NPR2: variants seen among roughly 807,000 people sequenced by gnomAD.
The protein encoded by NPR2 is natriuretic peptide receptor 2.
Under a neutral mutation model 120.7 loss-of-function variants are expected in NPR2, and 49 were observed. The observed-to-expected ratio is 0.41, with a 90% CI of 0.32 to 0.52. The LOEUF is 0.52. Ranked by LOEUF, NPR2 falls within the 20% of genes least tolerant of loss-of-function variation. The pLI is 0.36. For missense variants in NPR2, 931 were observed against 1,362.9 expected (o/e 0.68, Z 4.99); for synonymous variants, 484 against 519.8 (o/e 0.93, Z 0.94).
chr9:35,792,151 C>A lies in NPR2; in HGVS notation c.-258C>A. 1 of 479,414 alleles carries A rather than the reference C, an allele frequency of 2.1e-6. No homozygotes were observed. The highest frequency in any genetic ancestry group is 3.8e-6 in the Non-Finnish European group (1 of 262,570). 29.7% of individuals were successfully genotyped at this position (479,414 alleles called of 1,614,324 possible). On this transcript the variant is annotated 5_prime_UTR_variant, in exon 1 of 22. Transcript: ENST00000342694. ...CTGGCCGCAGGCCCCCTCGGTCCCT[C>A]CCTCCCCCTGCCACCCCGTTCTCAG...
In NPR2 at chr9:35,802,235, T is replaced by C; in HGVS notation, c.1662T>C (p.Asn554=). 1 of 1,609,590 alleles carries C rather than the reference T, an allele frequency of 6.2e-7. No homozygotes were observed. The highest frequency in any genetic ancestry group is 8.5e-7 in the Non-Finnish European group (1 of 1,176,074). Residue 554 remains asparagine (N), a synonymous_variant, in exon 10 of 22, where the codon AAT becomes AAC. Transcript: ENST00000342694. The surrounding 1 kb of genome is among the most constrained non-coding windows in gnomAD (Gnocchi z 4.2). ...ATGTTGTCGCCATCAAACATGTGAA[T>C]AAGAAGCGCATTGAGCTGACCCGGC... ...KGNVVAIKHV[N]KKRIELTRQV... is the part of the protein sequence containing the mutation.
chr9:35,797,432 G>T (rs1588055199), intron 2 of NPR2, among the ~76,000 whole-genome samples: 1 of 152,186 alleles, frequency 6.6e-6, no homozygotes, highest in Non-Finnish European at 1.5e-5. Flanking sequence ...CCAGCGGCAA[G>T]AATGGAAGAA....
rs149119156 is a variant in NPR2 at position 35,808,937 on chromosome 9, T to C, written c.2986+84T>C. On this transcript the variant is annotated intron_variant, in intron 20 of 21. Transcript: ENST00000342694. This position sits in a 1 kb window ranked among gnomAD's most constrained non-coding sequence, Gnocchi z 4.0. ...TTTCATAATCCCTCCAATTTCTTAA[T>C]CTGAGAGACCACAGTTCCTTAGTGT... 3.9e-4 allele frequency: 397 copies of C among 1,011,594 alleles called. No individual in the cohort carries two copies. Among genetic ancestry groups the C allele is most frequent in the Non-Finnish European group, 5.4e-4 (339 of 632,816 alleles). The allele number at this position is 1,011,594 out of a possible 1,614,324, so 62.7% of individuals were successfully genotyped here. A position where few individuals can be genotyped will look rare whatever the true frequency, so the allele number is the denominator to read the frequency against.
intron 2 of NPR2, among the ~76,000 whole-genome samples, chr9:35,796,561 T>G (rs1271010251): frequency 6.6e-6 from 1 of 152,166 alleles, no homozygotes; most frequent in Non-Finnish European, 1.5e-5. Context: ...TCCCCAGCAT[T>G]AAGGGTAGCT....
rs761280390 is a variant in NPR2 at position 35,809,667 on chromosome 9, A to G, written c.*222A>G. Reference sequence around the variant, plus strand: ...CCCTTCCTCCCTACTTTCTGTAAATATCTGTATCTAAACCAGAATATTTTG... The same window carrying G: ...CCCTTCCTCCCTACTTTCTGTAAATGTCTGTATCTAAACCAGAATATTTTG... On this transcript the variant is annotated 3_prime_UTR_variant, in exon 22 of 22. Transcript: ENST00000342694. The surrounding 1 kb of genome is among the most constrained non-coding windows in gnomAD (Gnocchi z 4.1). The G allele has an allele frequency of 1.3e-5, 15 of 1,120,676 alleles. No individual in the cohort carries two copies. The highest frequency in any genetic ancestry group is 2.0e-5 in the Non-Finnish European group (15 of 743,634). 69.4% of individuals were successfully genotyped at this position (1,120,676 alleles called of 1,614,324 possible).
rs779382712 is a variant in NPR2 at position 35,808,852 on chromosome 9, A to C, written c.2985A>C (p.Gln995His). The change falls in exon 20 of 22, where the codon CAA becomes CAC. Residue 995 changes from glutamine (Q) to histidine (H), a missense_variant and splice_region_variant. Coordinates refer to ENST00000342694, the MANE Select transcript of NPR2 (RefSeq NM_003995.4). This position sits in a 1 kb window ranked among gnomAD's most constrained non-coding sequence, Gnocchi z 4.0. ...CTTCTCGAATGGAGTCTAATGGTCAAGGTAAGACATTAGCCCTCAACCCCA... is the reference window on the plus strand; with the variant it reads ...CTTCTCGAATGGAGTCTAATGGTCACGGTAAGACATTAGCCCTCAACCCCA... ...NTASRMESNG[Q>H]ALKIHVSSTT... The C allele has an allele frequency of 7.0e-6, 11 of 1,576,348 alleles. No individual in the cohort carries two copies. The East Asian group carries it at 2.2e-4, about 32-fold the overall frequency.
At chr9:35,794,908 T>G (rs976050212) in intron 2 of NPR2, among the ~76,000 whole-genome samples, 8 of 151,836 alleles carry the variant, frequency 5.3e-5, no homozygotes, top group African/African-American at 1.9e-4. Flanking sequence ...GGGGGAGACC[T>G]GGGGCAGTGA....
At position 35,801,193 on chromosome 9, in the gene NPR2, C is replaced by T. The variant is rs760772862; in HGVS notation, c.1436+39C>T. Reference sequence around the variant, plus strand: ...TTCTTGCTGACCTACTCCCTGCCCCCATTGCCACACAACCTCTGGCTGAAG... The same window carrying T: ...TTCTTGCTGACCTACTCCCTGCCCCTATTGCCACACAACCTCTGGCTGAAG... On this transcript the variant is annotated intron_variant, in intron 7 of 21. Coordinates refer to ENST00000342694, the MANE Select transcript of NPR2 (RefSeq NM_003995.4). 17 of 1,446,502 alleles carry T rather than the reference C, an allele frequency of 1.2e-5. No homozygotes were observed. In the Admixed American group the frequency reaches 1.8e-4, roughly 16 times the overall value. The allele number at this position is 1,446,502 out of a possible 1,614,324, so 89.6% of individuals were successfully genotyped here.
rs1750543385 is a variant in NPR2 at position 35,800,364 on chromosome 9, G to T, written c.1124-25G>T. The T allele has an allele frequency of 6.2e-7, 1 of 1,603,780 alleles. No homozygotes were observed. The highest frequency in any genetic ancestry group is 8.5e-7 in the Non-Finnish European group (1 of 1,170,790). ...AGAGGAGCCCAGGGTAGACCTCAAA[G>T]AAAGGACACTCTTTTCTGTCTTAGG... is the stretch of plus-strand genomic sequence containing the variant. On this transcript the variant is annotated intron_variant, in intron 4 of 21. Coordinates refer to ENST00000342694, the MANE Select transcript of NPR2 (RefSeq NM_003995.4). The surrounding 1 kb of genome is among the most constrained non-coding windows in gnomAD (Gnocchi z 4.7).
Position 35,793,088 on chromosome 9 carries a change from T to A in NPR2, c.667+13T>A, listed in dbSNP as rs866347122. ...GCCAACGGGCGCAGTGAGTGTGGCC[T>A]GGGCTATTTTAGGGTCATGGGAGGA... is the stretch of plus-strand genomic sequence containing the variant. On this transcript the variant is annotated intron_variant, in intron 1 of 21. Coordinates refer to ENST00000342694, the MANE Select transcript of NPR2 (RefSeq NM_003995.4). 1 of 1,580,308 alleles carries A rather than the reference T, an allele frequency of 6.3e-7. No individual in the cohort carries two copies. Among genetic ancestry groups the A allele is most frequent in the Non-Finnish European group, 8.6e-7 (1 of 1,167,494 alleles).
Position 35,807,013 on chromosome 9 carries a change from T to G in NPR2, c.2520-10T>G. The G allele has an allele frequency of 6.2e-7, 1 of 1,614,112 alleles. No individual in the cohort carries two copies. Among genetic ancestry groups the G allele is most frequent in the East Asian group, 2.2e-5 (1 of 44,880 alleles). On this transcript the variant is annotated splice_polypyrimidine_tract_variant and intron_variant, in intron 16 of 21. Coordinates refer to ENST00000342694, the MANE Select transcript of NPR2 (RefSeq NM_003995.4). ...TGGAGTTTGGCTCATACGGCACCCT[T>G]GCTTCCTAGTTCAGTGGCAGAGCAG...
Position 35,806,614 on chromosome 9 carries a change from G to T in NPR2, c.2519+76G>T. The T allele has an allele frequency of 1.3e-6, 2 of 1,539,184 alleles. No individual in the cohort carries two copies. The highest frequency in any genetic ancestry group is 2.2e-5 in the South Asian group (2 of 89,034). ...GGGCTCTGCCTCATCAGGCACCTGA[G>T]AACTCGCCTCCCCACCCTCAGAACC... On this transcript the variant is annotated intron_variant, in intron 16 of 21. Transcript: ENST00000342694. The surrounding 1 kb of genome is among the most constrained non-coding windows in gnomAD (Gnocchi z 4.6).
chr9:35,794,860 A>T (rs946750597), intron 2 of NPR2, among the ~76,000 whole-genome samples: 1 of 151,042 alleles, frequency 6.6e-6, no homozygotes, highest in African/African-American at 2.5e-5. Context: ...GTGTGTGGAG[A>T]TAATTATACA....
chr9:35,807,210 T>C (rs973776468), intron 17 of NPR2, 64 bp downstream of exon 17: 116 of 1,486,884 alleles, frequency 7.8e-5, no homozygotes, highest in Non-Finnish European at 1.0e-4. Flanking sequence ...GGAAGCCTCA[T>C]TGATAATAGG....
Position 35,808,162 on chromosome 9 carries a change from G to A in NPR2, c.2713-347G>A, listed in dbSNP as rs1828514439. On this transcript the variant is annotated intron_variant, in intron 18 of 21. Transcript: ENST00000342694. This position sits in a 1 kb window ranked among gnomAD's most constrained non-coding sequence, Gnocchi z 4.0. ...CTGTCAGGTCCATTTCACTGGGCCTGCTTTACCTCCTCACCAGCCTCTGTC... is the reference window on the plus strand; with the variant it reads ...CTGTCAGGTCCATTTCACTGGGCCTACTTTACCTCCTCACCAGCCTCTGTC... 1 of 1,606,144 alleles carries A rather than the reference G, an allele frequency of 6.2e-7. No homozygotes were observed. Among genetic ancestry groups the A allele is most frequent in the East Asian group, 2.2e-5 (1 of 44,850 alleles).
chr9:35,806,957 A>G lies in NPR2; in HGVS notation c.2520-66A>G, dbSNP rs1197035133. On this transcript the variant is annotated intron_variant, in intron 16 of 21. Coordinates refer to ENST00000342694, the MANE Select transcript of NPR2 (RefSeq NM_003995.4). This position sits in a 1 kb window ranked among gnomAD's most constrained non-coding sequence, Gnocchi z 4.6. Reference sequence around the variant, plus strand: ...GCTCATCTCTGCTGCAGCCACATACACTTTCCCTCTCTCTTCCACTCCTGC... The same window carrying G: ...GCTCATCTCTGCTGCAGCCACATACGCTTTCCCTCTCTCTTCCACTCCTGC... 4 of 1,579,210 alleles carry G rather than the reference A, an allele frequency of 2.5e-6. No homozygotes were observed. The highest frequency in any genetic ancestry group is 2.2e-5 in the East Asian group (1 of 44,584).
chr9:35,801,324 G>A (rs371830140), intron 7 of NPR2, among the ~76,000 whole-genome samples, 170 bp downstream of exon 7: 2 of 152,168 alleles, frequency 1.3e-5, no homozygotes, highest in African/African-American at 4.8e-5. Context: ...TTTAGTTGTC[G>A]CTTAGCCTAG....
Position 35,800,592 on chromosome 9 carries a change from C to A in NPR2, c.1218+109C>A, listed in dbSNP as rs1828113125. ...CTAGATGAGGGATTTGTTTTCTCTG[C>A]TGGCACTGCATCCTGGCTGGGTGGT... On this transcript the variant is annotated intron_variant, in intron 5 of 21. Coordinates refer to ENST00000342694, the MANE Select transcript of NPR2 (RefSeq NM_003995.4). The surrounding 1 kb of genome is among the most constrained non-coding windows in gnomAD (Gnocchi z 4.7). 3 of 1,582,448 alleles carry A rather than the reference C, an allele frequency of 1.9e-6. No homozygotes were observed. The highest frequency in any genetic ancestry group is 2.6e-6 in the Non-Finnish European group (3 of 1,152,564).
intron 1 of NPR2, among the ~76,000 whole-genome samples, chr9:35,793,595 G>A (rs1563983807): frequency 1.3e-5 from 2 of 152,180 alleles, no homozygotes; most frequent in Admixed American, 1.3e-4. Context: ...AAGAGTCAGG[G>A]AGCAGGCCGG....
Sources: allele counts gnomAD v4.1 joint callset (sites outside exome capture counted in the v4.1 genomes callset), GRCh38; gene constraint gnomAD v4.1.1; non-coding constraint Gnocchi (gnomAD v3.1); transcripts MANE v1.5; gene names NCBI Gene and HGNC (gene_info 2026-07-23, HGNC 2026-07-21).